RSPH14: variants seen among roughly 807,000 people sequenced by gnomAD.
The protein encoded by RSPH14 is rhabdoid tumor deletion region gene 1.
Under a neutral mutation model 26.7 loss-of-function variants are expected in RSPH14, and 20 were observed. The ratio of observed to expected loss-of-function variants is 0.75; its 90% confidence interval spans 0.53 to 1.09. The LOEUF (loss-of-function observed/expected upper bound fraction) is 1.09. RSPH14 is among the 50% of genes least tolerant of loss of function. The probability of loss-of-function intolerance (pLI) is 0.00; values close to 1 mark genes in which losing one functional copy is unlikely to be tolerated. For synonymous variants in RSPH14, 177 were observed against 189.3 expected, an observed-to-expected ratio of 0.93 and a Z score of 0.53; for missense variants, 449 against 457.2, an observed-to-expected ratio of 0.98 and a Z score of 0.16.
At chr22:23,112,425 T>C (rs2069681893) in intron 4 of RSPH14, among the ~76,000 whole-genome samples, 2 of 152,088 alleles carry the variant, frequency 1.3e-5, no homozygotes, top group Non-Finnish European at 2.9e-5. Flanking sequence ...ACCAGGTACA[T>C]GGTTGAAGAG....
At chr22:23,159,317 G>A in the RSPH14 span, 2 of 1,438,572 alleles carry the variant, frequency 1.4e-6, 1 homozygote, top group South Asian at 2.6e-5. Context: ...GTCCTGTGGG[G>A]CCTGCCATGC....
chr22:23,179,512 G>A, the RSPH14 span, among the ~76,000 whole-genome samples: 183 of 152,274 alleles, frequency 1.2e-3, no homozygotes, highest in South Asian at 5.0e-3. Flanking sequence ...CAGGTTGGCC[G>A]CCCCCTTAGA....
Position 23,140,213 on chromosome 22 carries a change from C to A in RSPH14, c.199+9G>T. 1 of 1,612,800 alleles carries A rather than the reference C, an allele frequency of 6.2e-7. No individual in the cohort carries two copies. Among genetic ancestry groups the A allele is most frequent in the South Asian group, 1.1e-5 (1 of 90,978 alleles). On this transcript the variant is annotated intron_variant, in intron 2 of 6. Coordinates refer to ENST00000216036, the MANE Select transcript of RSPH14 (RefSeq NM_014433.3). Reference sequence around the variant, plus strand: ...CCAGTCATGGTCACCTGTGCTGTGTCACGCTCACCTATGTTCATGGCCTTG... The same window carrying A: ...CCAGTCATGGTCACCTGTGCTGTGTAACGCTCACCTATGTTCATGGCCTTG...
chr22:23,061,012 C>T (rs575449915), intron 6 of RSPH14, among the ~76,000 whole-genome samples: 2 of 152,260 alleles, frequency 1.3e-5, no homozygotes, highest in South Asian at 4.1e-4. Flanking sequence ...ATCCTGACTA[C>T]ACCAGTAAAA....
chr22:23,136,265 G>T (rs1330008668), intron 3 of RSPH14: 7 of 711,838 alleles, frequency 9.8e-6, no homozygotes, highest in Non-Finnish European at 1.8e-5. Context: ...AACTCCTCAA[G>T]GTGACAAGAT....
intron 4 of RSPH14, chr22:23,096,258 A>ACAAGTTCACCTT: frequency 6.2e-7 from 1 of 1,614,050 alleles, no homozygotes; most frequent in Non-Finnish European, 8.5e-7. Context: ...ATTGTGGAGA[A>ACAAGTTCACCTT]CAAGTTCACC....
chr22:23,082,573 A>C (rs893796913), intron 4 of RSPH14, among the ~76,000 whole-genome samples: 1 of 151,986 alleles, frequency 6.6e-6, no homozygotes, highest in Non-Finnish European at 1.5e-5. Context: ...ATTCCATAAT[A>C]CTTGGAAAGG....
chr22:23,174,669 AGTT>A, the RSPH14 span, among the ~76,000 whole-genome samples: 4 of 130,520 alleles, frequency 3.1e-5, no homozygotes. Context: ...ACTTCAATAA[AGTT>A]GTAAAAAAAA....
the RSPH14 span, among the ~76,000 whole-genome samples, chr22:23,152,050 G>A: frequency 1.3e-5 from 2 of 152,306 alleles, no homozygotes; most frequent in African/African-American, 4.8e-5. Flanking sequence ...CCCTTTTGCC[G>A]GGGTCTCCCT....
intron 4 of RSPH14, among the ~76,000 whole-genome samples, chr22:23,078,328 G>A (rs982355155): frequency 1.3e-5 from 2 of 152,230 alleles, no homozygotes; most frequent in African/African-American, 4.8e-5. Flanking sequence ...GCCAGTGCCA[G>A]GCATTGATTT....
rs147569934 is a variant in RSPH14, at chr22:23,100,482, T to C, written c.421+33544A>G. ...GACGGGGGACATAAGAACATGCCTT[T>C]TGTGGGGCAAGTTCTGCAGGTGGCA... On this transcript the variant is annotated intron_variant, in intron 4 of 6. Coordinates refer to ENST00000216036, the MANE Select transcript of RSPH14 (RefSeq NM_014433.3). Among the ~76,000 whole-genome samples the C allele has an allele frequency of 8.5e-5, 13 of 152,286 alleles. No individual in the cohort carries two copies. The East Asian group carries it at 2.5e-3, about 29-fold the overall frequency.
intron 4 of RSPH14, among the ~76,000 whole-genome samples, chr22:23,118,491 G>A (rs910531217): frequency 3.7e-5 from 5 of 133,812 alleles, no homozygotes; most frequent in African/African-American, 7.8e-5. Flanking sequence ...CACCCCCCGC[G>A]GCTGCCTTGG....
chr22:23,177,347 C>G, the RSPH14 span, among the ~76,000 whole-genome samples: 1 of 152,156 alleles, frequency 6.6e-6, no homozygotes, highest in East Asian at 1.9e-4. Context: ...ACACAGGCAT[C>G]GCTCTCGGTG....
At chr22:23,135,080 A>T (rs2070441937) in intron 3 of RSPH14, among the ~76,000 whole-genome samples, 1 of 152,048 alleles carries the variant, frequency 6.6e-6, no homozygotes. Flanking sequence ...CTAAGGTGGG[A>T]GGATCGTTTG....
chr22:23,099,592 G>C (rs866493600), intron 4 of RSPH14, among the ~76,000 whole-genome samples: 2 of 152,228 alleles, frequency 1.3e-5, no homozygotes, highest in African/African-American at 4.8e-5. Context: ...CACAGCTGGC[G>C]CTGGCGGGCC....
intron 4 of RSPH14, among the ~76,000 whole-genome samples, chr22:23,130,058 AAAAAGAAAGAAAGAAAGAAAGAAAGG>A (rs2070278964): frequency 2.9e-5 from 4 of 137,804 alleles, no homozygotes; most frequent in African/African-American, 1.2e-4. Flanking sequence ...AAAGAGAAAG[AAAAAGAAAGAAAGAAAGAAAGAAAGG>A]AAGAAAGAAA....
chr22:23,148,426 A>G (rs1267731726), upstream of RSPH14, among the ~76,000 whole-genome samples: 1 of 152,214 alleles, frequency 6.6e-6, no homozygotes, highest in East Asian at 1.9e-4. Context: ...GGCGAGGATC[A>G]GAGTTAAGGA....
chr22:23,080,476 G>A (rs967691425), intron 4 of RSPH14, among the ~76,000 whole-genome samples: 7 of 152,224 alleles, frequency 4.6e-5, no homozygotes, highest in East Asian at 1.9e-4. Context: ...TTCACTAACC[G>A]TAGTCCTTCC....
At chr22:23,175,064 T>C in the RSPH14 span, among the ~76,000 whole-genome samples, 9 of 151,738 alleles carry the variant, frequency 5.9e-5, no homozygotes, top group East Asian at 1.6e-3. Flanking sequence ...TGACGCAATC[T>C]TGGCTCACTA....
Sources: allele counts gnomAD v4.1 joint callset (sites outside exome capture counted in the v4.1 genomes callset), GRCh38; gene constraint gnomAD v4.1.1; transcripts MANE v1.5; gene names NCBI Gene and HGNC (gene_info 2026-07-23, HGNC 2026-07-21).